CSMD1: variants seen among roughly 807,000 people sequenced by gnomAD.
The protein encoded by CSMD1 is CUB and sushi domain-containing protein 1.
Under a neutral mutation model 417.5 loss-of-function variants are expected in CSMD1, and 213 were observed. The observed-to-expected ratio is 0.51, with a 90% CI of 0.46 to 0.57. The LOEUF (loss-of-function observed/expected upper bound fraction) is 0.57, where lower values mean the gene tolerates loss of function less well. CSMD1 is among the 20% of genes least tolerant of loss of function. CSMD1 has a pLI of 0.00. For synonymous variants in CSMD1, 2,862 were observed against 1,736.8 expected (o/e 1.65, Z -16.11); for missense variants, 6,923 against 4,529.7 (o/e 1.53, Z -15.17).
At chr8:4,724,592 A>C (rs889967523) in intron 1 of CSMD1, among the ~76,000 whole-genome samples, 3 of 151,442 alleles carry the variant, frequency 2.0e-5, no homozygotes, top group African/African-American at 7.3e-5. Context: ...TCTGTTGAAG[A>C]AGAATTGACA....
chr8:3,979,246 G>A (rs945949706), intron 5 of CSMD1, among the ~76,000 whole-genome samples: 6 of 152,266 alleles, frequency 3.9e-5, no homozygotes, highest in Non-Finnish European at 5.9e-5. Context: ...GAAATTTAGG[G>A]CATCTTTTTG....
intron 52 of CSMD1, among the ~76,000 whole-genome samples, chr8:3,004,338 C>T (rs75036125): frequency 0.05 from 7,648 of 152,176 alleles, 201 homozygotes; most frequent in East Asian, 0.072. Flanking sequence ...AGTCACAGCT[C>T]GGACATCATG....
intron 3 of CSMD1, among the ~76,000 whole-genome samples, chr8:4,230,064 C>T (rs1047894711): frequency 5.3e-5 from 8 of 152,134 alleles, no homozygotes; most frequent in African/African-American, 1.9e-4. Flanking sequence ...TGCGTGCACT[C>T]AGGTGTGTAT....
At chr8:3,141,081 C>T (rs988045644) in intron 41 of CSMD1, among the ~76,000 whole-genome samples, 15 of 152,070 alleles carry the variant, frequency 9.9e-5, no homozygotes, top group Admixed American at 7.9e-4. Flanking sequence ...CCTGAAGGGA[C>T]GAGAGCTCAG....
intron 7 of CSMD1, among the ~76,000 whole-genome samples, chr8:3,666,160 T>C (rs547484627): frequency 6.6e-6 from 1 of 152,298 alleles, no homozygotes; most frequent in East Asian, 1.9e-4. Context: ...CCTCCCCAAA[T>C]GCTGGGATTA....
At chr8:3,152,654 T>C (rs966692613) in intron 39 of CSMD1, among the ~76,000 whole-genome samples, 5 of 152,228 alleles carry the variant, frequency 3.3e-5, no homozygotes, top group Admixed American at 6.5e-5. Flanking sequence ...TTGAAAAATG[T>C]GAGCTACAAA....
At chr8:4,690,084 C>T (rs1432232938) in intron 1 of CSMD1, among the ~76,000 whole-genome samples, 1 of 152,078 alleles carries the variant, frequency 6.6e-6, no homozygotes, top group South Asian at 2.1e-4. Context: ...AGTTACAAAG[C>T]CTTCTATAAT....
At chr8:4,015,227 A>G (rs2130461980) in intron 4 of CSMD1, among the ~76,000 whole-genome samples, 1 of 152,146 alleles carries the variant, frequency 6.6e-6, no homozygotes, top group East Asian at 1.9e-4. Flanking sequence ...TTTAAGATTC[A>G]TTTTACAATG....
At chr8:3,763,344 T>C (rs935397837) in intron 5 of CSMD1, among the ~76,000 whole-genome samples, 2 of 152,102 alleles carry the variant, frequency 1.3e-5, no homozygotes, top group East Asian at 1.9e-4. Context: ...GTTGGTGTCA[T>C]GGGGGCAGAA....
intron 3 of CSMD1, among the ~76,000 whole-genome samples, chr8:4,053,368 T>TGCAG (rs1327222168): frequency 6.6e-6 from 1 of 151,978 alleles, no homozygotes; most frequent in Admixed American, 6.6e-5. Flanking sequence ...CTAAATTCTC[T>TGCAG]ACAGACAGTG....
chr8:4,092,514 T>G (rs1487894739), intron 3 of CSMD1, among the ~76,000 whole-genome samples: 1 of 152,150 alleles, frequency 6.6e-6, no homozygotes, highest in East Asian at 1.9e-4. Flanking sequence ...AGTAGGCATA[T>G]TTAAAAAAAG....
chr8:3,545,440 A>T (rs1197118215), intron 10 of CSMD1, among the ~76,000 whole-genome samples: 1 of 152,230 alleles, frequency 6.6e-6, no homozygotes, highest in Non-Finnish European at 1.5e-5. Flanking sequence ...TCTGAAAAGC[A>T]GGTGCAAAAC....
chr8:4,384,659 C>A (rs545356544), intron 3 of CSMD1, among the ~76,000 whole-genome samples: 6 of 152,076 alleles, frequency 3.9e-5, no homozygotes, highest in African/African-American at 1.4e-4. Context: ...TTTCATATTC[C>A]CTCCAACATT....
At chr8:4,807,649 A>G (rs1192599816) in intron 1 of CSMD1, among the ~76,000 whole-genome samples, 2 of 152,228 alleles carry the variant, frequency 1.3e-5, no homozygotes, top group Non-Finnish European at 2.9e-5. Flanking sequence ...TATACATAAT[A>G]CTGTACATGC....
intron 2 of CSMD1, among the ~76,000 whole-genome samples, chr8:4,464,607 C>T (rs1307182515): frequency 6.6e-6 from 1 of 152,164 alleles, no homozygotes; most frequent in Non-Finnish European, 1.5e-5. Flanking sequence ...TTATTACTTT[C>T]ACGCTATTGT....
intron 7 of CSMD1, among the ~76,000 whole-genome samples, chr8:3,679,599 C>T (rs1347017078): frequency 6.6e-6 from 1 of 152,090 alleles, no homozygotes; most frequent in African/African-American, 2.4e-5. Flanking sequence ...GTCTTTAACA[C>T]CCCACTGTCA....
At chr8:4,078,657 C>A (rs77064769) in intron 3 of CSMD1, among the ~76,000 whole-genome samples, 3 of 149,810 alleles carry the variant, frequency 2.0e-5, no homozygotes, top group African/African-American at 4.9e-5. Context: ...TCTAACTATC[C>A]TTTTGAGAAA....
At position 3,399,400 on chromosome 8, in the gene CSMD1, G is replaced by C; in HGVS notation, c.2396C>G (p.Thr799Ser). The C allele has an allele frequency of 6.2e-7, 1 of 1,601,942 alleles. No homozygotes were observed. Among genetic ancestry groups the C allele is most frequent in the Non-Finnish European group, 8.5e-7 (1 of 1,174,728 alleles). ...EAKPGHSIKI[T>S]FDRFQTEVNY... is the part of the protein sequence containing the mutation. ...CTAATTTTTTTCTTACCTGTCAAAA[G>C]TTATTTTGATAGAGTGGCCTGGTTT... Residue 799 changes from threonine (T) to serine (S), a missense_variant, in exon 16 of 70, where the codon ACT becomes AGT. Physicochemically the swap from Thr to Ser is moderately conservative, Grantham distance 58. Coordinates refer to ENST00000635120, the MANE Select transcript of CSMD1 (RefSeq NM_033225.6).
chr8:3,974,157 G>A (rs950144529), intron 5 of CSMD1, among the ~76,000 whole-genome samples: 3 of 152,162 alleles, frequency 2.0e-5, no homozygotes, highest in Admixed American at 6.5e-5. Flanking sequence ...TACATGTACA[G>A]AGGCACTCGC....
Sources: allele counts gnomAD v4.1 joint callset (sites outside exome capture counted in the v4.1 genomes callset), GRCh38; gene constraint gnomAD v4.1.1; transcripts MANE v1.5; gene names NCBI Gene and HGNC (gene_info 2026-07-23, HGNC 2026-07-21).